LARS2: variants seen among roughly 807,000 people sequenced by gnomAD.
LARS2 encodes the protein leucine--tRNA ligase, mitochondrial.
A neutral mutation model predicts 116.6 loss-of-function variants in LARS2; 81 were observed. That is an observed-to-expected ratio of 0.69 (90% CI 0.58 to 0.84). LARS2 has a LOEUF of 0.84. Among genes scored for constraint, LARS2 ranks in the 40% least tolerant of loss-of-function variants. LARS2 has a pLI of 0.00. For missense variants in LARS2, 968 were observed against 1,114.5 expected (o/e 0.87, Z 1.87); for synonymous variants, 396 against 407.2 (o/e 0.97, Z 0.33).
chr3:45,469,929 G>A (rs1027521257), intron 8 of LARS2, among the ~76,000 whole-genome samples: 3 of 152,066 alleles, frequency 2.0e-5, no homozygotes, highest in African/African-American at 7.2e-5. Flanking sequence ...TTATAAGTAT[G>A]CTAAGTGTCA....
chr3:45,546,646 G>A (rs80071200), intron 21 of LARS2, among the ~76,000 whole-genome samples: 5,121 of 152,064 alleles, frequency 0.034, 257 homozygotes, highest in African/African-American at 0.11. Flanking sequence ...TGTAGATTTC[G>A]GAGCAATGGG....
intron 20 of LARS2, chr3:45,538,401 C>T (rs1418334163): frequency 6.6e-6 from 1 of 152,254 alleles, no homozygotes; most frequent in Non-Finnish European, 1.5e-5. Flanking sequence ...AGCTGGGTCA[C>T]AGGACAAGCC....
At chr3:45,541,464 G>T (rs1234234448) in intron 20 of LARS2, 1 of 197,928 alleles carries the variant, frequency 5.1e-6, no homozygotes, top group Non-Finnish European at 1.0e-5. Context: ...GATAGGTAGC[G>T]AATGCTGCTC....
chr3:45,512,055 G>A (rs149360929), intron 15 of LARS2, among the ~76,000 whole-genome samples: 1,849 of 152,184 alleles, frequency 0.012, 43 homozygotes, highest in African/African-American at 0.04. Flanking sequence ...GATTACAAGC[G>A]TGAGCCACCG....
intron 16 of LARS2, among the ~76,000 whole-genome samples, chr3:45,515,257 A>G (rs1700355617): frequency 6.6e-6 from 1 of 151,954 alleles, no homozygotes; most frequent in Admixed American, 6.6e-5. Flanking sequence ...GTTCTCCTTC[A>G]TCTGCCAGAC....
intron 8 of LARS2, among the ~76,000 whole-genome samples, chr3:45,465,639 A>T (rs886595435): frequency 6.6e-6 from 1 of 152,174 alleles, no homozygotes; most frequent in African/African-American, 2.4e-5. Context: ...CCTGAGAGGG[A>T]ACTTCCTCCA....
intron 18 of LARS2, among the ~76,000 whole-genome samples, chr3:45,518,685 G>A (rs1353204174): frequency 1.3e-5 from 2 of 152,004 alleles, no homozygotes; most frequent in Non-Finnish European, 2.9e-5. Flanking sequence ...CAAATCTGAA[G>A]TCATTGTAAT....
At chr3:45,407,242 C>G (rs1377468802) in intron 4 of LARS2, among the ~76,000 whole-genome samples, 2 of 152,174 alleles carry the variant, frequency 1.3e-5, no homozygotes, top group African/African-American at 4.8e-5. Context: ...CAATAATGTA[C>G]GTTCCATCAG....
chr3:45,543,606 G>A (rs1006994968), intron 21 of LARS2, among the ~76,000 whole-genome samples: 4 of 151,866 alleles, frequency 2.6e-5, no homozygotes, highest in Non-Finnish European at 5.9e-5. Flanking sequence ...TGAGATTACA[G>A]GCATGTGCTA....
At chr3:45,497,608 G>C (rs150630371) in intron 14 of LARS2, among the ~76,000 whole-genome samples, 1 of 152,080 alleles carries the variant, frequency 6.6e-6, no homozygotes, top group Non-Finnish European at 1.5e-5. Context: ...GTTCATATCA[G>C]ATATAAGGGG....
chr3:45,419,865 C>A lies in LARS2; in HGVS notation c.516+136C>A. 4.3e-6 allele frequency: 3 copies of A among 690,794 alleles called. No homozygotes were observed. In the South Asian group the frequency reaches 5.1e-5, roughly 12 times the overall value. 42.8% of individuals were successfully genotyped at this position (690,794 alleles called of 1,614,324 possible). ...GCAGGAGGGAAGGATTAGCACTCTT[C>A]AAAAAGTATCCTGAGTGGATAATTT... On this transcript the variant is annotated intron_variant, in intron 6 of 21. Transcript: ENST00000645846.
At chr3:45,457,104 CAG>C (rs1160207311) in intron 7 of LARS2, among the ~76,000 whole-genome samples, 6 of 152,238 alleles carry the variant, frequency 3.9e-5, no homozygotes, top group African/African-American at 1.2e-4. Flanking sequence ...GGGGCAACGT[CAG>C]GGGGCAGTTA....
rs562546973 is a variant in LARS2 at position 45,505,204 on chromosome 3, G to T, written c.1760+4625G>T. ...AGTTCATGCAGTTGTGCACACCTAT[G>T]TTCTTAGCTACTCCAGAAGCTGAGA... On this transcript the variant is annotated intron_variant, in intron 15 of 21. Transcript: ENST00000645846. 2.6e-5 allele frequency among the ~76,000 whole-genome samples: 4 copies of T among 152,112 alleles called. 1 individual carries two copies. The South Asian group carries it at 8.3e-4, about 32-fold the overall frequency.
rs572388692 is a variant in LARS2, at chr3:45,467,787, A to C, written c.751-6456A>C. ...GTAATTGTTAATTTTCTTCTCTTCC[A>C]AATTTTCCATAAAAAGATTATTGCT... On this transcript the variant is annotated intron_variant, in intron 8 of 21. Transcript: ENST00000645846. Among the ~76,000 whole-genome samples the C allele has an allele frequency of 2.6e-5, 4 of 152,336 alleles. No individual in the cohort carries two copies. The South Asian group carries it at 6.2e-4, about 24-fold the overall frequency.
intron 11 of LARS2, 87 bp downstream of exon 11, chr3:45,485,883 C>T (rs892217931): frequency 1.4e-6 from 1 of 716,058 alleles, no homozygotes; most frequent in Middle Eastern, 2.6e-4. Context: ...TCTGGAAGAG[C>T]TGACTATAGA....
rs879255408 is a variant in LARS2 at position 45,520,267 on chromosome 3, C to T, written c.2263C>T (p.Gln755Ter). The T allele has an allele frequency of 2.5e-6, 4 of 1,613,470 alleles. No individual in the cohort carries two copies. The highest frequency in any genetic ancestry group is 2.2e-5 in the South Asian group (2 of 91,054). ...CTTCTCACTGAATTCTGCAATTTCT[C>T]AGCTGATGGGACTCAGCAATGCCCT... The part of the protein sequence containing the change: ...EDFSLNSAIS[Q>*]LMGLSNALSQ... The change falls in exon 19 of 22, where the codon CAG becomes TAG. Residue 755 changes from glutamine to a stop codon, truncating the protein, a stop_gained. Transcript: ENST00000645846. LOFTEE classifies it high-confidence loss of function.
At chr3:45,532,317 T>C (rs1700627064) in intron 20 of LARS2, among the ~76,000 whole-genome samples, 1 of 152,222 alleles carries the variant, frequency 6.6e-6, no homozygotes, top group South Asian at 2.1e-4. Context: ...TATATTTTAC[T>C]TAATGCCTAT....
At chr3:45,519,964 T>A (rs2125756027) in intron 18 of LARS2, among the ~76,000 whole-genome samples, 1 of 152,140 alleles carries the variant, frequency 6.6e-6, no homozygotes, top group East Asian at 1.9e-4. Context: ...ACTGTTTTTC[T>A]AAGCACCTAC....
intron 20 of LARS2, among the ~76,000 whole-genome samples, chr3:45,529,151 G>A (rs764458097): frequency 1.3e-5 from 2 of 152,124 alleles, no homozygotes; most frequent in Non-Finnish European, 2.9e-5. Flanking sequence ...TTGCAGATGT[G>A]AGTCACCGCG....
Sources: allele counts gnomAD v4.1 joint callset (sites outside exome capture counted in the v4.1 genomes callset), GRCh38; gene constraint gnomAD v4.1.1; transcripts MANE v1.5; gene names NCBI Gene and HGNC (gene_info 2026-07-23, HGNC 2026-07-21).